Variants in EXOC6B observed in about 807,000 individuals in gnomAD.
The protein encoded by EXOC6B is SEC15 homolog B.
Under a neutral mutation model 113.5 loss-of-function variants are expected in EXOC6B, and 54 were observed. The ratio of observed to expected loss-of-function variants is 0.48; its 90% CI spans 0.38 to 0.60. EXOC6B has a LOEUF of 0.60. EXOC6B is among the 20% of genes least tolerant of loss of function. EXOC6B has a pLI of 0.00. For synonymous variants in EXOC6B, 357 were observed against 339.0 expected, an observed-to-expected ratio of 1.05 and a Z score of -0.58; for missense variants, 797 against 977.5, an observed-to-expected ratio of 0.82 and a Z score of 2.46.
chr2:72,690,297 A>G (rs1162546390), intron 6 of EXOC6B, among the ~76,000 whole-genome samples: 1 of 152,198 alleles, frequency 6.6e-6, no homozygotes, highest in East Asian at 1.9e-4. Context: ...CCATATCCCC[A>G]TGTCCCTATA....
intron 13 of EXOC6B, among the ~76,000 whole-genome samples, chr2:72,496,766 G>C (rs1400646577): frequency 6.6e-6 from 1 of 151,506 alleles, no homozygotes; most frequent in Admixed American, 6.6e-5. Flanking sequence ...ATTTAAAGAA[G>C]ACAAAAAGAA....
At chr2:72,234,754 G>A (rs1028614678) in intron 20 of EXOC6B, among the ~76,000 whole-genome samples, 1 of 152,138 alleles carries the variant, frequency 6.6e-6, no homozygotes, top group African/African-American at 2.4e-5. Flanking sequence ...GGACATGAAC[G>A]ACACTTTTCA....
chr2:72,390,401 G>A (rs76129838), intron 18 of EXOC6B, among the ~76,000 whole-genome samples: 2,540 of 152,182 alleles, frequency 0.017, 52 homozygotes, highest in African/African-American at 0.055. Context: ...ATGTTTGGAT[G>A]TTTATATGGA....
intron 18 of EXOC6B, among the ~76,000 whole-genome samples, chr2:72,460,290 G>C (rs565629646): frequency 1.3e-4 from 20 of 152,158 alleles, no homozygotes; most frequent in Non-Finnish European, 2.8e-4. Context: ...CAAGGACACA[G>C]GCATGGGCAA....
At chr2:72,206,447 AT>A (rs1679844578) in intron 20 of EXOC6B, among the ~76,000 whole-genome samples, 1 of 152,144 alleles carries the variant, frequency 6.6e-6, no homozygotes, top group South Asian at 2.1e-4. Context: ...AGTTCCTTAG[AT>A]TTATCCCTTC....
intron 6 of EXOC6B, among the ~76,000 whole-genome samples, chr2:72,700,427 G>A (rs1047224686): frequency 2.6e-5 from 4 of 152,136 alleles, no homozygotes; most frequent in African/African-American, 7.2e-5. Flanking sequence ...CAGCTGTCAC[G>A]TGAATTCCAG....
At chr2:72,687,993 A>G (rs1431757387) in intron 6 of EXOC6B, among the ~76,000 whole-genome samples, 1 of 151,940 alleles carries the variant, frequency 6.6e-6, no homozygotes, top group Non-Finnish European at 1.5e-5. Context: ...TGTTGGGGTA[A>G]TTTTACCAGC....
At chr2:72,684,595 T>C (rs902570224) in intron 6 of EXOC6B, among the ~76,000 whole-genome samples, 8 of 152,180 alleles carry the variant, frequency 5.3e-5, no homozygotes, top group African/African-American at 1.7e-4. Flanking sequence ...GGACAATGAA[T>C]CAATTGTTAA....
chr2:72,359,309 A>T (rs900585306), intron 19 of EXOC6B, among the ~76,000 whole-genome samples: 1 of 152,158 alleles, frequency 6.6e-6, no homozygotes, highest in Non-Finnish European at 1.5e-5. Flanking sequence ...TGGTAATCTT[A>T]TAAAAGGAAT....
chr2:72,542,852 A>T (rs1324806791), intron 8 of EXOC6B, among the ~76,000 whole-genome samples: 1 of 152,352 alleles, frequency 6.6e-6, no homozygotes, highest in Admixed American at 6.5e-5. Context: ...AACCTCTGAA[A>T]TTTTGAAAAT....
chr2:72,181,442 T>C (rs1290378921), intron 21 of EXOC6B, among the ~76,000 whole-genome samples: 1 of 152,166 alleles, frequency 6.6e-6, no homozygotes, highest in East Asian at 1.9e-4. Flanking sequence ...AGTTGCACAA[T>C]TACATTTGTA....
rs1022167312 is a variant in EXOC6B at position 72,307,781 on chromosome 2, C to T, written c.2196+27166G>A. The stretch of plus-strand genomic sequence containing the variant: ...ACATGATACTGTATATAATGTTTCC[C>T]TATGAGACTATAAACCAAGGTTAAA... On this transcript the variant is annotated intron_variant, in intron 20 of 21. Transcript: ENST00000272427. Among the ~76,000 whole-genome samples, 34 of 152,196 alleles carry T rather than the reference C, an allele frequency of 2.2e-4. 1 individual carries two copies. Among genetic ancestry groups the T allele is most frequent in the African/African-American group, 7.0e-4 (29 of 41,546 alleles).
chr2:72,631,260 C>T (rs1457341668), intron 6 of EXOC6B, among the ~76,000 whole-genome samples: 2 of 151,052 alleles, frequency 1.3e-5, no homozygotes. Flanking sequence ...ATATACATCA[C>T]TGTTTATAAA....
chr2:72,585,802 GA>G (rs914602326), intron 6 of EXOC6B, among the ~76,000 whole-genome samples: 3 of 151,830 alleles, frequency 2.0e-5, no homozygotes, highest in African/African-American at 4.8e-5. Flanking sequence ...TATAAGTAAT[GA>G]AAAAAACCTA....
At chr2:72,348,511 A>C (rs901565082) in intron 19 of EXOC6B, among the ~76,000 whole-genome samples, 2 of 152,012 alleles carry the variant, frequency 1.3e-5, no homozygotes, top group African/African-American at 4.8e-5. Context: ...TCTTCATCTC[A>C]TTTTTGCTTT....
chr2:72,188,486 G>A (rs1678594193), intron 20 of EXOC6B, among the ~76,000 whole-genome samples: 1 of 152,204 alleles, frequency 6.6e-6, no homozygotes, highest in South Asian at 2.1e-4. Flanking sequence ...CCTTCTCTGA[G>A]ACAGATGGAC....
chr2:72,205,167 G>A (rs779923444), intron 20 of EXOC6B, among the ~76,000 whole-genome samples: 1 of 152,138 alleles, frequency 6.6e-6, no homozygotes, highest in Non-Finnish European at 1.5e-5. Flanking sequence ...AAAGAAGGCT[G>A]CAAGACAACA....
chr2:72,509,294 T>C (rs1700771343), intron 11 of EXOC6B, among the ~76,000 whole-genome samples: 1 of 152,150 alleles, frequency 6.6e-6, no homozygotes, highest in Admixed American at 6.5e-5. Flanking sequence ...TATAAGAAAA[T>C]AAATTTCTGT....
chr2:72,403,640 G>A (rs964201494), intron 18 of EXOC6B, among the ~76,000 whole-genome samples: 3 of 152,186 alleles, frequency 2.0e-5, no homozygotes, highest in Non-Finnish European at 4.4e-5. Context: ...GCCACAGTGA[G>A]CTATGATTGT....
Sources: gnomAD v4.1 joint callset for allele counts (sites outside exome capture counted in the v4.1 genomes callset) on GRCh38, gnomAD v4.1.1 for gene constraint, MANE v1.5 for transcripts, NCBI Gene and HGNC (gene_info 2026-07-23, HGNC 2026-07-21) for gene names.